The following DOP1B variants were observed in gnomAD, a reference collection of about 807,000 sequenced individuals.
The protein encoded by DOP1B is protein DOP1B.
Under a neutral mutation model 233.5 loss-of-function variants are expected in DOP1B, and 174 were observed. The ratio of observed to expected loss-of-function variants is 0.75; its 90% CI spans 0.66 to 0.85. DOP1B has a LOEUF of 0.85. Ranked by LOEUF, DOP1B falls within the 40% of genes least tolerant of loss-of-function variation. The pLI, the probability that DOP1B is intolerant of heterozygous loss-of-function variation, is 0.00. For missense variants in DOP1B, 2,652 were observed against 2,846.6 expected (o/e 0.93, Z 1.56); for synonymous variants, 1,190 against 1,185.6 (o/e 1.00, Z -0.08).
intron 2 of DOP1B, among the ~76,000 whole-genome samples, chr21:36,176,301 G>A (rs1046713741): frequency 6.6e-6 from 1 of 152,018 alleles, no homozygotes; most frequent in African/African-American, 2.4e-5. Flanking sequence ...CTGGAGCCTT[G>A]GTGCTGCTGC....
rs764577080 is a variant in DOP1B at position 36,231,004 on chromosome 21, G to A, written c.2220G>A (p.Gly740=). 6.2e-7 allele frequency: 1 copy of A among 1,614,144 alleles called. No individual in the cohort carries two copies. Among genetic ancestry groups the A allele is most frequent in the Non-Finnish European group, 8.5e-7 (1 of 1,180,032 alleles). ...WDVEKVVIDL[G]GSREERREAF... ...TTGAGAAGGTGGTCATTGACCTGGG[G>A]GGTTCCAGGGAGGAACGCAGGGAGG... Residue 740 remains glycine, a synonymous_variant, in exon 14 of 37, where the codon GGG becomes GGA. Coordinates refer to ENST00000691173, the MANE Select transcript of DOP1B (RefSeq NM_001320714.2).
chr21:36,186,054 T>C (rs2066161798), intron 2 of DOP1B, among the ~76,000 whole-genome samples: 1 of 152,050 alleles, frequency 6.6e-6, no homozygotes, highest in African/African-American at 2.4e-5. Context: ...AATACAAAAA[T>C]TAGCTGGGCG....
In DOP1B at chr21:36,253,729, TTCTCTC is replaced by T. The variant is rs1196639877; in HGVS notation, c.5122-41_5122-36del. ...AGGATGTGTCATCCTTATTTTTACT[TTCTCTC>T]TATAAGCTTTCAAGGAACTTTTTTT... On this transcript the variant is annotated intron_variant, in intron 22 of 36. Coordinates refer to ENST00000691173, the MANE Select transcript of DOP1B (RefSeq NM_001320714.2). 3 of 1,589,480 alleles carry T rather than the reference TTCTCTC, an allele frequency of 1.9e-6. No individual in the cohort carries two copies. In the South Asian group the frequency reaches 3.3e-5, roughly 18 times the overall value.
intron 27 of DOP1B, among the ~76,000 whole-genome samples, chr21:36,276,216 T>C (rs962039022): frequency 2.6e-5 from 4 of 152,090 alleles, no homozygotes; most frequent in African/African-American, 9.7e-5. Context: ...TTGATCAAAA[T>C]ATCCAGATTC....
intron 23 of DOP1B, among the ~76,000 whole-genome samples, chr21:36,257,891 GTAGGTAGATGTAGGTAGGTAGA>G (rs1186713643): frequency 2.0e-5 from 3 of 150,436 alleles, no homozygotes; most frequent in Non-Finnish European, 4.4e-5. Flanking sequence ...AGTTAGGTAG[GTAGGTAGATGTAGGTAGGTAGA>G]TAGATGTAGG....
At position 36,199,237 on chromosome 21, in the gene DOP1B, C is replaced by G. The variant is rs141040361; in HGVS notation, c.306C>G (p.Asp102Glu). ...TGGGGACCAAATGGCTGGCCAAGGACTTGTTTCTGTACAGGTGCGATTGCT... is the reference window on the plus strand; with the variant it reads ...TGGGGACCAAATGGCTGGCCAAGGAGTTGTTTCTGTACAGGTGCGATTGCT... Reference protein sequence around the residue: ...KIVGTKWLAKDLFLYSCGLFP... With the variant: ...KIVGTKWLAKELFLYSCGLFP... Residue 102 changes from aspartate (D) to glutamate (E), a missense_variant, in exon 3 of 37, where the codon GAC (aspartate) becomes GAG (glutamate). Transcript: ENST00000691173. The G allele has an allele frequency of 1.5e-5, 24 of 1,613,876 alleles. No homozygotes were observed. Among genetic ancestry groups the G allele is most frequent in the Non-Finnish European group, 1.9e-5 (23 of 1,179,936 alleles).
intron 21 of DOP1B, 107 bp from the exon 22 acceptor site, chr21:36,251,055 C>CA: frequency 7.0e-7 from 1 of 1,435,256 alleles, no homozygotes; most frequent in Non-Finnish European, 9.3e-7. Flanking sequence ...TGGGCACAAA[C>CA]ATGACAGGGT....
At chr21:36,203,644 T>TGA (rs1555888952) in intron 4 of DOP1B, among the ~76,000 whole-genome samples, 2 of 150,840 alleles carry the variant, frequency 1.3e-5, no homozygotes, top group African/African-American at 4.9e-5. Context: ...GAGGGTGCAG[T>TGA]GGGGGGGGTC....
rs372325224 is a variant in DOP1B at position 36,276,986 on chromosome 21, A to G, written c.5633-35A>G. On this transcript the variant is annotated intron_variant, in intron 27 of 36. Transcript: ENST00000691173. ...GACAGTAAATGGTGACCCATCCATCATAGTTAACATACAAATGGCTCTTTC... is the reference window on the plus strand; with the variant it reads ...GACAGTAAATGGTGACCCATCCATCGTAGTTAACATACAAATGGCTCTTTC... The G allele has an allele frequency of 4.2e-5, 68 of 1,610,082 alleles. No homozygotes were observed. The African/African-American group carries it at 8.5e-4, about 20-fold the overall frequency.
At chr21:36,227,101 A>T (rs561941025) in intron 12 of DOP1B, among the ~76,000 whole-genome samples, 11 of 150,070 alleles carry the variant, frequency 7.3e-5, no homozygotes, top group Admixed American at 1.3e-4. Context: ...CCAGCTACTC[A>T]GGAGGCTGAG....
chr21:36,210,177 C>A (rs2066479034), intron 5 of DOP1B, among the ~76,000 whole-genome samples: 2 of 151,938 alleles, frequency 1.3e-5, no homozygotes, highest in Admixed American at 1.3e-4. Flanking sequence ...GGGGAGAAAG[C>A]CTAGCTTTGC....
rs749694401 is a variant in DOP1B, at chr21:36,248,593, G to A, written c.4998+25G>A. 13 of 1,584,296 alleles carry A rather than the reference G, an allele frequency of 8.2e-6. No homozygotes were observed. The South Asian group carries it at 1.4e-4, about 17-fold the overall frequency. On this transcript the variant is annotated intron_variant, in intron 21 of 36. Transcript: ENST00000691173. ...AGTAAGAGGATGTCTCTGTAGTTCT[G>A]TCATTTACTTGGTCTTGTATTGTTC...
intron 1 of DOP1B, among the ~76,000 whole-genome samples, chr21:36,160,587 C>T (rs1275420098): frequency 1.3e-5 from 2 of 150,958 alleles, no homozygotes; most frequent in African/African-American, 4.9e-5. Context: ...AAACTATTCT[C>T]CTGCCTCAGC....
rs749807015 is a variant in DOP1B at position 36,289,223 on chromosome 21, C to T, written c.6515+17C>T. 31 of 1,602,872 alleles carry T rather than the reference C, an allele frequency of 1.9e-5. No homozygotes were observed. Among genetic ancestry groups the T allele is most frequent in the African/African-American group, 2.7e-5 (2 of 74,172 alleles). ...ATTTCAAATGTAAGTCAGATAGGAT[C>T]GTGTGTCCTTTTTGAAGTAAGAGAT... is the stretch of plus-strand genomic sequence containing the variant. On this transcript the variant is annotated intron_variant, in intron 35 of 36. Transcript: ENST00000691173.
At chr21:36,158,271 C>T (rs2065838498) in intron 1 of DOP1B, among the ~76,000 whole-genome samples, 2 of 152,146 alleles carry the variant, frequency 1.3e-5, no homozygotes, top group Admixed American at 6.6e-5. Context: ...CAATCTCTCA[C>T]AGGAGACATA....
chr21:36,184,549 T>C (rs924125278), intron 2 of DOP1B, among the ~76,000 whole-genome samples: 10 of 152,228 alleles, frequency 6.6e-5, no homozygotes, highest in Non-Finnish European at 1.0e-4. Context: ...ACAGGTCTCC[T>C]GCTTCCGTGC....
intron 2 of DOP1B, among the ~76,000 whole-genome samples, chr21:36,195,495 C>T (rs2123461990): frequency 6.6e-6 from 1 of 152,222 alleles, no homozygotes; most frequent in African/African-American, 2.4e-5. Flanking sequence ...AATCACACCA[C>T]TGCATTCCAG....
At chr21:36,198,939 T>G in intron 2 of DOP1B, 131 bp from the exon 3 acceptor site, 5 of 941,190 alleles carry the variant, frequency 5.3e-6, no homozygotes, top group East Asian at 2.6e-5. Context: ...CTCTGCCCCT[T>G]TGTTGTGTAT....
At chr21:36,208,128 G>T (rs1439468165) in intron 4 of DOP1B, among the ~76,000 whole-genome samples, 2 of 152,230 alleles carry the variant, frequency 1.3e-5, no homozygotes, top group African/African-American at 4.8e-5. Context: ...GGTGCTGTGG[G>T]CAGACTGAAA....
Sources: gnomAD v4.1 joint callset for allele counts (sites outside exome capture counted in the v4.1 genomes callset) on GRCh38, gnomAD v4.1.1 for gene constraint, MANE v1.5 for transcripts, NCBI Gene and HGNC (gene_info 2026-07-23, HGNC 2026-07-21) for gene names.